Variants in PLCE1 observed in about 807,000 individuals in gnomAD.
PLCE1 encodes phospholipase C epsilon 1, also known as 1-phosphatidylinositol 4,5-bisphosphate phosphodiesterase epsilon-1.
Under a neutral mutation model 242.8 loss-of-function variants are expected in PLCE1, and 119 were observed. The ratio of observed to expected loss-of-function variants is 0.49; its 90% confidence interval spans 0.42 to 0.57. The LOEUF (loss-of-function observed/expected upper bound fraction) is 0.57, where lower values mean the gene tolerates loss of function less well. Ranked by LOEUF, PLCE1 falls within the 20% of genes least tolerant of loss-of-function variation. PLCE1 has a pLI of 0.00. For synonymous variants in PLCE1, 945 were observed against 1,017.4 expected (o/e 0.93, Z 1.35); for missense variants, 2,441 against 2,788.8 (o/e 0.88, Z 2.81).
At chr10:94,133,142 T>G (rs1444767312) in intron 3 of PLCE1, among the ~76,000 whole-genome samples, 2 of 152,082 alleles carry the variant, frequency 1.3e-5, no homozygotes, top group Non-Finnish European at 2.9e-5. Flanking sequence ...GAAAACCCAC[T>G]GTGGTTGGGA....
At chr10:94,254,075 C>A in intron 9 of PLCE1, 115 bp from the exon 10 acceptor site, 1 of 800,792 alleles carries the variant, frequency 1.2e-6, no homozygotes, top group Non-Finnish European at 2.3e-6. Context: ...ACCGGTTTTA[C>A]CAGGAAGAGG....
chr10:94,257,074 G>A (rs926844260), intron 11 of PLCE1, among the ~76,000 whole-genome samples: 3 of 152,070 alleles, frequency 2.0e-5, no homozygotes, highest in South Asian at 4.2e-4. Flanking sequence ...ACTGGGGATC[G>A]ACAACCTACA....
intron 3 of PLCE1, among the ~76,000 whole-genome samples, chr10:94,160,199 C>T (rs1385293909): frequency 2.0e-5 from 3 of 152,170 alleles, no homozygotes; most frequent in Non-Finnish European, 2.9e-5. Context: ...GCCACACTAA[C>T]TTCCACAATG....
In PLCE1 at chr10:94,115,069, C is replaced by T. The variant is rs1316146876; in HGVS notation, c.1207-17105C>T. On this transcript the variant is annotated intron_variant, in intron 2 of 32. Coordinates refer to ENST00000371380, the MANE Select transcript of PLCE1 (RefSeq NM_016341.4). ...TGTTCAGAATGATGGTTTCCAGCTT[C>T]ATCCATGTCCCTACAAAGGACATGA... is the stretch of plus-strand genomic sequence containing the variant. Among the ~76,000 whole-genome samples the T allele has an allele frequency of 2.0e-5, 3 of 152,192 alleles. No homozygotes were observed. The South Asian group carries it at 6.2e-4, about 32-fold the overall frequency.
chr10:94,100,230 C>T (rs951135658), intron 2 of PLCE1: 1 of 152,148 alleles, frequency 6.6e-6, no homozygotes. Context: ...GGGCAGAAAC[C>T]AAGAGAAGCC....
intron 5 of PLCE1, among the ~76,000 whole-genome samples, chr10:94,228,474 T>C (rs1002102132): frequency 6.6e-6 from 1 of 152,196 alleles, no homozygotes; most frequent in East Asian, 1.9e-4. Flanking sequence ...AGTGAAATAA[T>C]ATAGTATTTG....
At chr10:94,240,593 C>A (rs996258341) in intron 7 of PLCE1, among the ~76,000 whole-genome samples, 1 of 152,034 alleles carries the variant, frequency 6.6e-6, no homozygotes, top group Non-Finnish European at 1.5e-5. Context: ...TTGTTTGTCA[C>A]GTGGTAATTC....
chr10:94,071,504 T>G (rs1480700490), intron 2 of PLCE1, among the ~76,000 whole-genome samples: 1 of 135,132 alleles, frequency 7.4e-6, no homozygotes, highest in Admixed American at 7.1e-5. Flanking sequence ...CGTTTTTTTT[T>G]TTTTTTTTTT....
chr10:94,201,700 C>T (rs557412824), intron 4 of PLCE1, among the ~76,000 whole-genome samples: 4 of 152,174 alleles, frequency 2.6e-5, no homozygotes, highest in South Asian at 2.1e-4. Context: ...AGGATGGTCT[C>T]GATCTCCTGA....
chr10:94,281,024 C>A (rs2052191521), intron 20 of PLCE1, among the ~76,000 whole-genome samples: 1 of 152,180 alleles, frequency 6.6e-6, no homozygotes, highest in Non-Finnish European at 1.5e-5. Flanking sequence ...ACCCCATGAG[C>A]TAATATGAGA....
chr10:94,259,260 G>T, intron 13 of PLCE1, 110 bp downstream of exon 13: 2 of 1,083,532 alleles, frequency 1.8e-6, no homozygotes, highest in Non-Finnish European at 1.4e-6. Flanking sequence ...TGCTATTACT[G>T]CTGTGTAGGG....
intron 4 of PLCE1, among the ~76,000 whole-genome samples, chr10:94,220,376 T>TATATATATATA (rs2049686957): frequency 1.8e-4 from 11 of 61,906 alleles, no homozygotes; most frequent in African/African-American, 5.0e-4. Flanking sequence ...ACTAAACATT[T>TATATATATATA]TATATATATA....
At chr10:93,996,677 A>C (rs2060830470) in intron 1 of PLCE1, among the ~76,000 whole-genome samples, 1 of 152,194 alleles carries the variant, frequency 6.6e-6, no homozygotes, top group South Asian at 2.1e-4. Context: ...CGAGGCTATA[A>C]TTCATCTGTG....
At chr10:94,286,319 A>G (rs530521637) in intron 22 of PLCE1, among the ~76,000 whole-genome samples, 15 of 152,280 alleles carry the variant, frequency 9.9e-5, no homozygotes, top group African/African-American at 2.9e-4. Context: ...CAAATGGGCC[A>G]GAGGCATTGG....
chr10:94,034,033 CCAAA>C (rs1391221175), intron 2 of PLCE1, among the ~76,000 whole-genome samples: 4 of 151,986 alleles, frequency 2.6e-5, no homozygotes, highest in African/African-American at 4.8e-5. Context: ...GTTGGGCAGG[CCAAA>C]CAATCATGGC....
At chr10:94,033,511 T>G (rs772774238) in intron 2 of PLCE1, among the ~76,000 whole-genome samples, 4 of 152,160 alleles carry the variant, frequency 2.6e-5, no homozygotes, top group Non-Finnish European at 4.4e-5. Flanking sequence ...TACTGAAGTT[T>G]GTTGCTTATA....
Position 94,054,948 on chromosome 10 carries a change from C to T in PLCE1, c.1206+22696C>T, listed in dbSNP as rs566777279. Among the ~76,000 whole-genome samples, 186 of 147,094 alleles carry T rather than the reference C, an allele frequency of 1.3e-3. 2 individuals carry two copies. The highest frequency in any genetic ancestry group is 5.1e-3 in the Admixed American group (74 of 14,524). On this transcript the variant is annotated intron_variant, in intron 2 of 32. Transcript: ENST00000371380. Reference sequence around the variant, plus strand: ...AATGGCGTGAATCTGGGAGGCAGAACTTGCAGTGAGCCGAGATCGGGCCAC... The same window carrying T: ...AATGGCGTGAATCTGGGAGGCAGAATTTGCAGTGAGCCGAGATCGGGCCAC...
At chr10:94,137,525 T>C (rs1286535733) in intron 3 of PLCE1, among the ~76,000 whole-genome samples, 2 of 152,224 alleles carry the variant, frequency 1.3e-5, no homozygotes, top group Non-Finnish European at 2.9e-5. Flanking sequence ...TTTTCAAATG[T>C]GCATATTGTA....
intron 7 of PLCE1, among the ~76,000 whole-genome samples, chr10:94,244,516 C>T (rs1353775917): frequency 6.6e-6 from 1 of 152,168 alleles, no homozygotes; most frequent in African/African-American, 2.4e-5. Context: ...ATCCTCTTGG[C>T]TCAAATAATC....
Sources: gnomAD v4.1 joint callset for allele counts (sites outside exome capture counted in the v4.1 genomes callset) on GRCh38, gnomAD v4.1.1 for gene constraint, MANE v1.5 for transcripts, NCBI Gene and HGNC (gene_info 2026-07-23, HGNC 2026-07-21) for gene names.